Variants in ACYP2 observed in about 807,000 individuals in gnomAD.
ACYP2 encodes the protein acylphosphatase 2, also known as acylphosphatase-2.
Under a neutral mutation model 11.2 loss-of-function variants are expected in ACYP2, and 12 were observed. That is an observed-to-expected ratio of 1.08 (90% CI 0.69 to 1.74). The LOEUF (loss-of-function observed/expected upper bound fraction) is 1.74, where lower values mean the gene tolerates loss of function less well. ACYP2 is among the 40% of genes most tolerant of loss of function. The pLI, the probability that ACYP2 is intolerant of heterozygous loss-of-function variation, is 0.00. For synonymous variants in ACYP2, 43 were observed against 32.2 expected (o/e 1.33, Z -1.13); for missense variants, 134 against 101.9 (o/e 1.31, Z -1.35).
intron 2 of ACYP2, among the ~76,000 whole-genome samples, chr2:54,001,753 G>A (rs1672814486): frequency 6.6e-6 from 1 of 152,190 alleles, no homozygotes; most frequent in Non-Finnish European, 1.5e-5. Flanking sequence ...TTGGGGTAAG[G>A]CCCAAGTATC....
chr2:54,044,067 C>T (rs1256543073), intron 2 of ACYP2, among the ~76,000 whole-genome samples: 4 of 152,150 alleles, frequency 2.6e-5, no homozygotes, highest in East Asian at 1.9e-4. Flanking sequence ...AGGACAGAGA[C>T]GAGATCTCTC....
At chr2:54,198,245 C>T (rs1418704841) in intron 6 of ACYP2, among the ~76,000 whole-genome samples, 1 of 152,090 alleles carries the variant, frequency 6.6e-6, no homozygotes, top group Non-Finnish European at 1.5e-5. Context: ...AAACTCCTGA[C>T]CTCAGGTGAT....
intron 2 of ACYP2, among the ~76,000 whole-genome samples, chr2:53,976,448 C>G (rs1260733991): frequency 6.6e-6 from 1 of 152,192 alleles, no homozygotes; most frequent in Non-Finnish European, 1.5e-5. Flanking sequence ...CTCAAGCAAT[C>G]TGCCCGCCTC....
At chr2:54,172,473 C>A (rs1476574814) in intron 6 of ACYP2, among the ~76,000 whole-genome samples, 3 of 151,974 alleles carry the variant, frequency 2.0e-5, no homozygotes, top group African/African-American at 7.3e-5. Flanking sequence ...TCATGTTGAC[C>A]AATTTTTCAC....
rs57455292 is a variant in ACYP2 at position 53,982,237 on chromosome 2, G to C, written c.62+8427G>C. ...CATGCATAATTTGAATAGCCAGCAAGACATTCACACTTGATCACATCTGAT... is the reference window on the plus strand; with the variant it reads ...CATGCATAATTTGAATAGCCAGCAACACATTCACACTTGATCACATCTGAT... On this transcript the variant is annotated intron_variant, in intron 2 of 6. Transcript: ENST00000607452. Among the ~76,000 whole-genome samples the C allele has an allele frequency of 5.3e-5, 8 of 152,274 alleles. No homozygotes were observed. In the East Asian group the frequency reaches 1.2e-3, roughly 22 times the overall value.
intron 6 of ACYP2, among the ~76,000 whole-genome samples, chr2:54,302,661 G>A (rs1189965971): frequency 1.3e-5 from 2 of 152,110 alleles, no homozygotes; most frequent in East Asian, 3.8e-4. Context: ...CGCTTTGGAT[G>A]TCTAACAGAC....
At chr2:54,163,442 AATTAC>A (rs1682813611) in intron 6 of ACYP2, among the ~76,000 whole-genome samples, 1 of 152,212 alleles carries the variant, frequency 6.6e-6, no homozygotes, top group South Asian at 2.1e-4. Flanking sequence ...CACCCTTGAA[AATTAC>A]ATTATTTAAA....
chr2:54,028,415 G>A (rs1674408066), intron 2 of ACYP2, among the ~76,000 whole-genome samples: 1 of 152,058 alleles, frequency 6.6e-6, no homozygotes, highest in Admixed American at 6.5e-5. Context: ...GACTTTCCCG[G>A]CAATTCCCCT....
intron 4 of ACYP2, among the ~76,000 whole-genome samples, chr2:54,102,983 C>T (rs910993364): frequency 2.0e-5 from 3 of 152,144 alleles, no homozygotes; most frequent in African/African-American, 7.2e-5. Context: ...CCCTACCTCT[C>T]ATTGTAGCAG....
At chr2:54,065,471 G>A (rs1676698589) in intron 4 of ACYP2, 1 of 398,626 alleles carries the variant, frequency 2.5e-6, no homozygotes, top group Non-Finnish European at 4.4e-6. Flanking sequence ...TCCAGACTCT[G>A]AATTCAGACC....
At chr2:54,134,340 C>A (rs1243338575) in intron 4 of ACYP2, among the ~76,000 whole-genome samples, 1 of 151,946 alleles carries the variant, frequency 6.6e-6, no homozygotes, top group Non-Finnish European at 1.5e-5. Context: ...AAATAAAGAA[C>A]TGAGGCTTCA....
chr2:54,115,887 G>A (rs970111479), intron 4 of ACYP2, 131 bp downstream of exon 1: 7 of 1,209,608 alleles, frequency 5.8e-6, no homozygotes, highest in African/African-American at 3.4e-5. Context: ...CCATGACACA[G>A]CAGCGGCGGC....
intron 6 of ACYP2, among the ~76,000 whole-genome samples, chr2:54,224,769 T>G (rs1315353798): frequency 6.6e-6 from 1 of 152,238 alleles, no homozygotes; most frequent in African/African-American, 2.4e-5. Flanking sequence ...TTGACCTTCC[T>G]AAACTTCTTA....
At chr2:54,099,912 A>G (rs921757849) in intron 4 of ACYP2, among the ~76,000 whole-genome samples, 1 of 152,174 alleles carries the variant, frequency 6.6e-6, no homozygotes, top group Admixed American at 6.5e-5. Context: ...TCCCACCAAC[A>G]ATGCGCAATG....
intron 2 of ACYP2, among the ~76,000 whole-genome samples, chr2:54,015,680 C>G (rs1372347456): frequency 6.7e-6 from 1 of 149,848 alleles, no homozygotes; most frequent in Non-Finnish European, 1.5e-5. Flanking sequence ...CACACACACA[C>G]ACACACACGG....
intron 4 of ACYP2, among the ~76,000 whole-genome samples, chr2:54,128,733 A>G (rs1680701915): frequency 6.6e-6 from 1 of 152,168 alleles, no homozygotes; most frequent in Non-Finnish European, 1.5e-5. Context: ...TTTTTTAAAA[A>G]AAATTCAGTT....
At chr2:54,112,625 T>C (rs1293206213) in intron 4 of ACYP2, among the ~76,000 whole-genome samples, 1 of 152,220 alleles carries the variant, frequency 6.6e-6, no homozygotes, top group East Asian at 1.9e-4. Context: ...GTGTGGTTTA[T>C]CCACCTAATG....
rs975230601 is a variant in ACYP2 at position 53,998,985 on chromosome 2, C to T, written c.62+25175C>T. On this transcript the variant is annotated intron_variant, in intron 2 of 6. Coordinates refer to ENST00000607452, the MANE Select transcript of ACYP2 (RefSeq NM_001320586.2). ...CACGGCCACTGTTCTGAAGTGACAC[C>T]TGTTACTTCCATGCAAGTTTCATTA... 3.9e-5 allele frequency among the ~76,000 whole-genome samples: 6 copies of T among 152,168 alleles called. No individual in the cohort carries two copies. The East Asian group carries it at 5.8e-4, about 15-fold the overall frequency.
At chr2:54,171,258 A>T (rs1683210007) in intron 6 of ACYP2, among the ~76,000 whole-genome samples, 1 of 152,092 alleles carries the variant, frequency 6.6e-6, no homozygotes, top group African/African-American at 2.4e-5. Flanking sequence ...TTTTAATCTC[A>T]TAAAACTACT....
Sources: gnomAD v4.1 joint callset for allele counts (sites outside exome capture counted in the v4.1 genomes callset) on GRCh38, gnomAD v4.1.1 for gene constraint, MANE v1.5 for transcripts, NCBI Gene and HGNC (gene_info 2026-07-23, HGNC 2026-07-21) for gene names.